Variants in SCIN observed in about 807,000 individuals in gnomAD.
SCIN encodes adseverin.
SCIN carries 91 observed loss-of-function variants against 91.8 expected under a neutral mutation model. The observed-to-expected ratio is 0.99, with a 90% confidence interval of 0.84 to 1.18. The LOEUF (loss-of-function observed/expected upper bound fraction) is 1.18, where lower values mean the gene tolerates loss of function less well. Among genes scored for constraint, SCIN ranks in the 50% most tolerant of loss-of-function variants. The pLI, the probability that SCIN is intolerant of heterozygous loss-of-function variation, is 0.00. For synonymous variants in SCIN, 367 were observed against 312.6 expected (o/e 1.17, Z -1.84); for missense variants, 1,087 against 863.9 (o/e 1.26, Z -3.24).
At chr7:12,594,921 C>T (rs1782807870) in intron 3 of SCIN, among the ~76,000 whole-genome samples, 1 of 152,082 alleles carries the variant, frequency 6.6e-6, no homozygotes, top group Non-Finnish European at 1.5e-5. Context: ...CTCTTACTCA[C>T]CCCTCTCAGA....
At chr7:12,649,343 A>G (rs927363055) in intron 13 of SCIN, 124 bp from the exon 14 acceptor site, 2 of 520,576 alleles carry the variant, frequency 3.8e-6, no homozygotes, top group Non-Finnish European at 6.6e-6. Flanking sequence ...GTGAAAAAGA[A>G]GAAAAAAATT....
chr7:12,578,123 G>T lies in SCIN; in HGVS notation c.259G>T (p.Asp87Tyr), dbSNP rs1417027852. Reference sequence around the variant, plus strand: ...TGCCATCTTCACTGTTCAGATGGATGACTATTTGGGTGGCAAGCCAGTGCA... The same window carrying T: ...TGCCATCTTCACTGTTCAGATGGATTACTATTTGGGTGGCAAGCCAGTGCA... ...AAAIFTVQMD[D>Y]YLGGKPVQNR... Residue 87 changes from aspartate (D) to tyrosine (Y), a missense_variant, in exon 2 of 16, where the codon GAC becomes TAC. Physicochemically the swap from Asp to Tyr is radical, Grantham distance 160. Transcript: ENST00000297029. 5 of 1,550,828 alleles carry T rather than the reference G, an allele frequency of 3.2e-6. No individual in the cohort carries two copies. Among genetic ancestry groups the T allele is most frequent in the Non-Finnish European group, 4.4e-6 (5 of 1,146,550 alleles).
Position 12,626,714 on chromosome 7 carries a change from T to G in SCIN, c.1112T>G (p.Ile371Ser). The change falls in exon 8 of 16, where the codon ATT (isoleucine) becomes AGT (serine). Residue 371 changes from isoleucine (I) to serine (S), a missense_variant. Physicochemically the swap from Ile to Ser is moderately radical, Grantham distance 142. Transcript: ENST00000297029. ...VTEKVAQIKQ[I>S]PFDASKLHSS... ...GAGAAAGTGGCTCAAATAAAACAAATTCCCTTTGATGCCTCAAAATTACAC... is the reference window on the plus strand; with the variant it reads ...GAGAAAGTGGCTCAAATAAAACAAAGTCCCTTTGATGCCTCAAAATTACAC... The G allele has an allele frequency of 6.2e-7, 1 of 1,603,498 alleles. No homozygotes were observed. Among genetic ancestry groups the G allele is most frequent in the South Asian group, 1.1e-5 (1 of 88,778 alleles).
Position 12,578,055 on chromosome 7 carries a change from C to G in SCIN, c.200-9C>G. 6.5e-7 allele frequency: 1 copy of G among 1,530,452 alleles called. No homozygotes were observed. The highest frequency in any genetic ancestry group is 8.8e-7 in the Non-Finnish European group (1 of 1,138,424). The allele number at this position is 1,530,452 out of a possible 1,614,324, so 94.8% of individuals were successfully genotyped here. ...TTGATAATTGAGGTGCTGTTGTTCACTGTTTTAGGAAAGGAGTGTTCCCAG... is the reference window on the plus strand; with the variant it reads ...TTGATAATTGAGGTGCTGTTGTTCAGTGTTTTAGGAAAGGAGTGTTCCCAG... On this transcript the variant is annotated splice_polypyrimidine_tract_variant and intron_variant, in intron 1 of 15. Transcript: ENST00000297029.
chr7:12,590,427 G>A (rs930335664), intron 3 of SCIN, among the ~76,000 whole-genome samples: 3 of 151,926 alleles, frequency 2.0e-5, no homozygotes, highest in African/African-American at 7.3e-5. Context: ...GTGAATAGAT[G>A]GGGGGAGGAG....
chr7:12,606,481 C>T (rs1441485587), intron 4 of SCIN, among the ~76,000 whole-genome samples: 1 of 152,106 alleles, frequency 6.6e-6, no homozygotes, highest in African/African-American at 2.4e-5. Flanking sequence ...ATTGTAATGT[C>T]TTTAAACTTT....
rs1784181708 is a variant in SCIN, at chr7:12,657,409, A to G, written c.*4694A>G. On this transcript the variant is annotated 3_prime_UTR_variant, in exon 16 of 16. Transcript: ENST00000297029. ...TTCTTTGTAGAGATGGGGTTTTGCC[A>G]TGTTGTCCAGGCTGGTCTTGAACTC... is the stretch of plus-strand genomic sequence containing the variant. 1 of 149,256 alleles carries G rather than the reference A, an allele frequency of 6.7e-6. No homozygotes were observed. The highest frequency in any genetic ancestry group is 1.5e-5 in the Non-Finnish European group (1 of 67,320). 9.2% of individuals were successfully genotyped at this position (149,256 alleles called of 1,614,324 possible). A position where few individuals can be genotyped will look rare whatever the true frequency, so the allele number is the denominator to read the frequency against.
intron 3 of SCIN, chr7:12,596,422 A>G (rs1782842978): frequency 2.2e-6 from 1 of 455,834 alleles, no homozygotes; most frequent in African/African-American, 2.0e-5. Flanking sequence ...ACTTTAGTGC[A>G]ACAGGTGTGA....
intron 3 of SCIN, among the ~76,000 whole-genome samples, chr7:12,591,543 T>A (rs1418781363): frequency 1.3e-5 from 2 of 151,234 alleles, no homozygotes; most frequent in African/African-American, 4.9e-5. Context: ...GTATAGAGAG[T>A]GAAAGGTTGG....
intron 3 of SCIN, among the ~76,000 whole-genome samples, chr7:12,582,571 T>A (rs576730197): frequency 6.6e-6 from 1 of 151,828 alleles, no homozygotes; most frequent in South Asian, 2.1e-4. Context: ...TTCTTAATAT[T>A]ACACGTAGAC....
At position 12,639,071 on chromosome 7, in the gene SCIN, C is replaced by A. The variant is rs936894966; in HGVS notation, c.1411-1276C>A. Among the ~76,000 whole-genome samples the A allele has an allele frequency of 2.0e-5, 3 of 152,152 alleles. No homozygotes were observed. The East Asian group carries it at 5.8e-4, about 29-fold the overall frequency. On this transcript the variant is annotated intron_variant, in intron 10 of 15. Transcript: ENST00000297029. ...TAGATGGCAGTAGCTTACAATAATG[C>A]ATGAAAAAACTAAAGTATTGCGGTT...
intron 4 of SCIN, among the ~76,000 whole-genome samples, chr7:12,621,247 AT>A (rs1783401563): frequency 6.6e-6 from 1 of 152,116 alleles, no homozygotes; most frequent in Non-Finnish European, 1.5e-5. Context: ...GTTGAGCTCA[AT>A]TTTAAAGTGA....
intron 4 of SCIN, among the ~76,000 whole-genome samples, chr7:12,611,896 C>T (rs1783199550): frequency 6.6e-6 from 1 of 150,930 alleles, no homozygotes; most frequent in South Asian, 2.1e-4. Flanking sequence ...GCACTCCAGC[C>T]TGGGCAACAT....
intron 3 of SCIN, among the ~76,000 whole-genome samples, chr7:12,587,657 C>T (rs1300844750): frequency 1.3e-5 from 2 of 152,176 alleles, no homozygotes; most frequent in African/African-American, 4.8e-5. Context: ...GTACCAGTGC[C>T]CCTTGGCCCA....
At chr7:12,640,610 A>G in intron 11 of SCIN, 93 bp downstream of exon 11, 9 of 1,131,094 alleles carry the variant, frequency 8.0e-6, no homozygotes, top group African/African-American at 1.6e-5. Flanking sequence ...AAACTTGGCA[A>G]ATAAACTCCC....
intron 3 of SCIN, among the ~76,000 whole-genome samples, chr7:12,583,574 A>G (rs1257933961): frequency 1.3e-5 from 2 of 152,210 alleles, no homozygotes; most frequent in Non-Finnish European, 2.9e-5. Flanking sequence ...CAGTTTCAGA[A>G]TCTGCTGAAT....
In SCIN at chr7:12,622,880, C is replaced by T; in HGVS notation, c.746C>T (p.Ala249Val). 6.2e-7 allele frequency: 1 copy of T among 1,610,948 alleles called. No individual in the cohort carries two copies. Among genetic ancestry groups the T allele is most frequent in the African/African-American group, 1.3e-5 (1 of 74,930 alleles). Residue 249 changes from alanine (A) to valine (V), a missense_variant, in exon 5 of 16, where the codon GCT becomes GTT. By Grantham distance (64) the Ala-to-Val change is moderately conservative (BLOSUM62 0). Coordinates refer to ENST00000297029, the MANE Select transcript of SCIN (RefSeq NM_001112706.3). ...IIADISNRKM[A>V]KLYMVSDASG... ...GCAGACATAAGTAACAGGAAAATGG[C>T]TAAACTATACATGGTGAGTTCACTG... is the stretch of plus-strand genomic sequence containing the variant.
chr7:12,607,801 A>G (rs942870852), intron 4 of SCIN, among the ~76,000 whole-genome samples: 6 of 152,212 alleles, frequency 3.9e-5, no homozygotes, highest in Non-Finnish European at 7.3e-5. Context: ...AAGAGTAATT[A>G]TTTGATTAAT....
chr7:12,617,637 A>G (rs1378276194), intron 4 of SCIN, among the ~76,000 whole-genome samples: 3 of 152,130 alleles, frequency 2.0e-5, no homozygotes, highest in Non-Finnish European at 4.4e-5. Flanking sequence ...TAACAAGCTA[A>G]TGTGAACCTC....
Sources: allele counts gnomAD v4.1 joint callset (sites outside exome capture counted in the v4.1 genomes callset), GRCh38; gene constraint gnomAD v4.1.1; transcripts MANE v1.5; gene names NCBI Gene and HGNC (gene_info 2026-07-23, HGNC 2026-07-21).